NAV1: variants seen among roughly 807,000 people sequenced by gnomAD.
NAV1 encodes the protein neuron navigator 1, also known as pore membrane and/or filament interacting like protein 3.
Under a neutral mutation model 175.2 loss-of-function variants are expected in NAV1, and 18 were observed. That is an observed-to-expected ratio of 0.10 (90% CI 0.07 to 0.15). The LOEUF (loss-of-function observed/expected upper bound fraction) is 0.15, where lower values mean the gene tolerates loss of function less well. Ranked by LOEUF, NAV1 falls within the 10% of genes least tolerant of loss-of-function variation. NAV1 has a pLI of 1.00. For missense variants in NAV1, 1,731 were observed against 2,436.6 expected, an observed-to-expected ratio of 0.71 and a Z score of 6.10; for synonymous variants, 897 against 978.7, an observed-to-expected ratio of 0.92 and a Z score of 1.56.
Position 201,807,873 on chromosome 1 carries a change from C to CT in NAV1, c.3649-79dup. ...ATCCCCCGCCTCCAGCTCTCTCTGT[C>CT]TCAGAAGTCTCAATCCAGTCCTCCC... On this transcript the variant is annotated intron_variant, in intron 17 of 29. Coordinates refer to ENST00000367296, the Ensembl canonical transcript of NAV1. The surrounding 1 kb of genome is among the most constrained non-coding windows in gnomAD (Gnocchi z 5.4). The CT allele has an allele frequency of 2.9e-6, 4 of 1,391,748 alleles. No homozygotes were observed. The South Asian group carries it at 4.9e-5, about 17-fold the overall frequency. 86.2% of individuals were successfully genotyped at this position (1,391,748 alleles called of 1,614,324 possible). A position where few individuals can be genotyped will look rare whatever the true frequency, so the allele number is the denominator to read the frequency against.
rs76156952 is a variant in NAV1 at position 201,760,082 on chromosome 1, G to C, written c.1227-20339G>C. Among the ~76,000 whole-genome samples the C allele has an allele frequency of 6.9e-3, 1,046 of 152,284 alleles. 15 individuals are homozygous for C. The highest frequency in any genetic ancestry group is 0.023 in the African/African-American group (961 of 41,560). ...TGGGGCATCAAAAAGAGTTACAAAA[G>C]TTACTGGAATTAGGAAATCTAGCCA... is the stretch of plus-strand genomic sequence containing the variant. On this transcript the variant is annotated intron_variant, in intron 3 of 29. Coordinates refer to ENST00000367296, the Ensembl canonical transcript of NAV1.
chr1:201,617,460 T>A (rs1179071482), intron 2 of NAV1, among the ~76,000 whole-genome samples: 1 of 152,198 alleles, frequency 6.6e-6, no homozygotes, highest in Non-Finnish European at 1.5e-5. Context: ...CGGGAGCTCA[T>A]GCCTATAATC....
In NAV1 at chr1:201,788,392, C is replaced by A; in HGVS notation, c.2996-76C>A. 1 of 1,513,342 alleles carries A rather than the reference C, an allele frequency of 6.6e-7. No individual in the cohort carries two copies. Among genetic ancestry groups the A allele is most frequent in the Non-Finnish European group, 9.1e-7 (1 of 1,096,048 alleles). 93.7% of individuals were successfully genotyped at this position (1,513,342 alleles called of 1,614,324 possible). On this transcript the variant is annotated intron_variant, in intron 9 of 29. Transcript: ENST00000367296. The surrounding 1 kb of genome is among the most constrained non-coding windows in gnomAD (Gnocchi z 5.7). ...TCCCGGTGCTCCATCCCCCAAGGGC[C>A]CGGAGAGCTGATGACCCTGCCTCTT... is the stretch of plus-strand genomic sequence containing the variant.
chr1:201,660,367 A>G (rs75311228), intron 1 of NAV1, among the ~76,000 whole-genome samples: 7,587 of 152,110 alleles, frequency 0.05, 255 homozygotes, highest in Non-Finnish European at 0.073. Context: ...CAGCATCGAG[A>G]GGCTGTTGCT....
intron 1 of NAV1, among the ~76,000 whole-genome samples, chr1:201,549,100 TTTC>T (rs1665758486): frequency 6.8e-6 from 1 of 147,764 alleles, no homozygotes; most frequent in Non-Finnish European, 1.5e-5. Context: ...TCTTTCTTTC[TTTC>T]TTTCTTTCTT....
Position 201,782,198 on chromosome 1 carries a change from A to G in NAV1, c.1686A>G (p.Thr562=), listed in dbSNP as rs1220663710. ...CAGGCAAACCTGAGGGCAAAGCTAC[A>G]GACAAGGGTAAGCTTGCAGTGAAGA... The change falls in exon 6 of 30, where the codon ACA becomes ACG. Residue 562 remains threonine, a synonymous_variant. Coordinates refer to ENST00000367296, the Ensembl canonical transcript of NAV1. The surrounding 1 kb of genome is among the most constrained non-coding windows in gnomAD (Gnocchi z 5.4). 10 of 1,598,628 alleles carry G rather than the reference A, an allele frequency of 6.3e-6. No homozygotes were observed. Among genetic ancestry groups the G allele is most frequent in the African/African-American group, 1.3e-5 (1 of 74,366 alleles).
intron 1 of NAV1, among the ~76,000 whole-genome samples, chr1:201,557,055 G>A (rs1666042301): frequency 6.6e-6 from 1 of 152,116 alleles, no homozygotes; most frequent in Non-Finnish European, 1.5e-5. Flanking sequence ...AGGGGGCTGA[G>A]ATGAAAATGA....
At chr1:201,544,023 G>A (rs971540950) in intron 1 of NAV1, among the ~76,000 whole-genome samples, 10 of 152,250 alleles carry the variant, frequency 6.6e-5, no homozygotes, top group Non-Finnish European at 1.3e-4. Flanking sequence ...TGAACTGATT[G>A]CTGGTCATCC....
intron 1 of NAV1, among the ~76,000 whole-genome samples, chr1:201,625,315 C>G (rs1272205560): frequency 6.6e-6 from 1 of 152,206 alleles, no homozygotes; most frequent in East Asian, 1.9e-4. Flanking sequence ...CTCCAAAGAC[C>G]TGACTCATCA....
intron 1 of NAV1, among the ~76,000 whole-genome samples, chr1:201,555,687 G>A (rs150979644): frequency 3.3e-5 from 5 of 152,058 alleles, no homozygotes; most frequent in African/African-American, 1.2e-4. Flanking sequence ...AGGGAGGGCT[G>A]CTATAAATAG....
chr1:201,805,187 G>A (rs377717403), intron 17 of NAV1, among the ~76,000 whole-genome samples: 1 of 152,268 alleles, frequency 6.6e-6, no homozygotes, highest in East Asian at 1.9e-4. Context: ...TGTTGTGAAG[G>A]ATATGAAAAA....
intron 3 of NAV1, among the ~76,000 whole-genome samples, chr1:201,720,120 C>T (rs1323388127): frequency 2.0e-5 from 3 of 152,246 alleles, no homozygotes; most frequent in African/African-American, 7.2e-5. Context: ...TGCACAGATC[C>T]TGAGCTCCTT....
intron 2 of NAV1, among the ~76,000 whole-genome samples, chr1:201,615,611 G>T (rs74718642): frequency 5.9e-5 from 9 of 152,086 alleles, no homozygotes; most frequent in African/African-American, 2.2e-4. Context: ...CACCAAGCTA[G>T]GTGCCTTATC....
rs571520680 is a variant in NAV1 at position 201,700,865 on chromosome 1, G to T, written c.758-11952G>T. Among the ~76,000 whole-genome samples, 11 of 151,848 alleles carry T rather than the reference G, an allele frequency of 7.2e-5. No individual in the cohort carries two copies. In the East Asian group the frequency reaches 2.1e-3, roughly 29 times the overall value. On this transcript the variant is annotated intron_variant, in intron 1 of 29. Transcript: ENST00000367296. ...TCTCTAATAAAAATACAAAAAATTA[G>T]CCAGGCGTGGTGGCAGGCGCCTGTA...
intron 2 of NAV1, among the ~76,000 whole-genome samples, chr1:201,615,123 C>T (rs1667965220): frequency 6.6e-6 from 1 of 152,174 alleles, no homozygotes; most frequent in Admixed American, 6.5e-5. Context: ...GCCTGGGAAG[C>T]CACCAGCCTC....
chr1:201,640,412 C>G (rs1273886907), intron 2 of NAV1, among the ~76,000 whole-genome samples: 1 of 151,954 alleles, frequency 6.6e-6, no homozygotes, highest in African/African-American at 2.4e-5. Context: ...CTAGTGTCTC[C>G]TTTTTTTTCA....
chr1:201,610,304 A>G (rs1667809197), intron 2 of NAV1, among the ~76,000 whole-genome samples: 1 of 152,248 alleles, frequency 6.6e-6, no homozygotes. Flanking sequence ...AAATCAGCGA[A>G]AGATGTCAAT....
At chr1:201,802,799 A>C (rs1183018697) in intron 15 of NAV1, among the ~76,000 whole-genome samples, 1 of 151,644 alleles carries the variant, frequency 6.6e-6, no homozygotes, top group Non-Finnish European at 1.5e-5. Context: ...AGAAAGAAAA[A>C]GGAAAAAAGA....
chr1:201,784,918 A>G (rs944478502), intron 7 of NAV1, among the ~76,000 whole-genome samples: 3 of 151,876 alleles, frequency 2.0e-5, no homozygotes, highest in East Asian at 1.9e-4. Context: ...ACAGGCGCCC[A>G]CCACTGCGTC....
Sources: gnomAD v4.1 joint callset for allele counts (sites outside exome capture counted in the v4.1 genomes callset) on GRCh38, gnomAD v4.1.1 for gene constraint, Gnocchi (gnomAD v3.1) non-coding constraint, MANE v1.5 for transcripts, NCBI Gene and HGNC (gene_info 2026-07-23, HGNC 2026-07-21) for gene names.